Variants in EFR3B observed in about 807,000 individuals in gnomAD.
EFR3B encodes EFR3 homolog B.
In EFR3B, 64 loss-of-function variants were observed where a neutral mutation model predicts 104.7. That is an observed-to-expected ratio of 0.61 (90% CI 0.50 to 0.75). The LOEUF is 0.75. Ranked by LOEUF, EFR3B falls within the 30% of genes least tolerant of loss-of-function variation. EFR3B has a pLI of 0.00. For missense variants in EFR3B, 750 were observed against 1,078.5 expected (o/e 0.70, Z 4.27); for synonymous variants, 385 against 417.9 (o/e 0.92, Z 0.96).
At chr2:25,112,329 G>A (rs983781276) in intron 4 of EFR3B, among the ~76,000 whole-genome samples, 2 of 152,270 alleles carry the variant, frequency 1.3e-5, no homozygotes, top group African/African-American at 4.8e-5. Context: ...CCAGCAGATG[G>A]GGCTGCCCAG....
intron 3 of EFR3B, among the ~76,000 whole-genome samples, chr2:25,101,401 G>A (rs1669427481): frequency 6.6e-6 from 1 of 152,146 alleles, no homozygotes; most frequent in South Asian, 2.1e-4. Context: ...CCAGGCTGGA[G>A]TACAGTGGCT....
At chr2:25,126,238 CCATGATCTCA>C (rs1324052027) in intron 5 of EFR3B, among the ~76,000 whole-genome samples, 1 of 152,082 alleles carries the variant, frequency 6.6e-6, no homozygotes, top group Non-Finnish European at 1.5e-5. Flanking sequence ...GAGTGCAGTG[CCATGATCTCA>C]CATGATCTCA....
At chr2:25,128,040 G>T in intron 5 of EFR3B, 143 bp from the exon 6 acceptor site, 1 of 905,100 alleles carries the variant, frequency 1.1e-6, no homozygotes. Flanking sequence ...GAGGTCTCAT[G>T]AGAGTAGCAG....
chr2:25,142,529 C>T (rs1355302848), intron 17 of EFR3B, among the ~76,000 whole-genome samples: 3 of 150,238 alleles, frequency 2.0e-5, no homozygotes, highest in African/African-American at 7.4e-5. Context: ...GTGGTTGAGG[C>T]GGGCAGATCA....
At chr2:25,095,175 G>T (rs1669243481) in intron 3 of EFR3B, among the ~76,000 whole-genome samples, 1 of 152,170 alleles carries the variant, frequency 6.6e-6, no homozygotes. Flanking sequence ...AAAAGTAGAA[G>T]TAAAATGTCC....
chr2:25,090,402 CA>C (rs1330130467), intron 1 of EFR3B, among the ~76,000 whole-genome samples: 15 of 152,218 alleles, frequency 9.9e-5, no homozygotes, highest in African/African-American at 3.6e-4. Context: ...CTAGAGTTGC[CA>C]ACTTCTAATT....
intron 2 of EFR3B, among the ~76,000 whole-genome samples, chr2:25,092,070 G>A (rs1027094965): frequency 4.6e-5 from 7 of 151,890 alleles, no homozygotes; most frequent in Non-Finnish European, 8.8e-5. Flanking sequence ...CTTTAATTTG[G>A]GGTGGCTTTT....
rs1020123024 is a variant in EFR3B at position 25,050,771 on chromosome 2, G to A, written c.7+8452G>A. Among the ~76,000 whole-genome samples the A allele has an allele frequency of 1.3e-4, 20 of 152,292 alleles. 1 individual carries two copies. Among genetic ancestry groups the A allele is most frequent in the African/African-American group, 3.4e-4 (14 of 41,568 alleles). ...TACTGTAGGCCACAATTAAGAGGGG[G>A]AAAGTCATTTACAAGATTCATTAGC... On this transcript the variant is annotated intron_variant, in intron 1 of 22. Coordinates refer to ENST00000403714, the MANE Select transcript of EFR3B (RefSeq NM_014971.2).
At chr2:25,099,760 G>A (rs1669378790) in intron 3 of EFR3B, among the ~76,000 whole-genome samples, 1 of 151,842 alleles carries the variant, frequency 6.6e-6, no homozygotes, top group South Asian at 2.1e-4. Flanking sequence ...TCTGAAACTG[G>A]GTAGCTGTCC....
chr2:25,080,950 G>A, intron 1 of EFR3B: 1 of 762,958 alleles, frequency 1.3e-6, no homozygotes, highest in Non-Finnish European at 2.4e-6. Flanking sequence ...TCAAGCCGGA[G>A]AGCTTGTTCC....
Position 25,083,223 on chromosome 2 carries a change from A to G in EFR3B, c.8-8102A>G, listed in dbSNP as rs1668859019. 3.3e-5 allele frequency among the ~76,000 whole-genome samples: 5 copies of G among 152,200 alleles called. No homozygotes were observed. The South Asian group carries it at 1.0e-3, about 32-fold the overall frequency. On this transcript the variant is annotated intron_variant, in intron 1 of 22. Transcript: ENST00000403714. Reference sequence around the variant, plus strand: ...GAGGATCCTTCATAAATTTACCTTCAGCTACTGTGGTTGGATCTGCCAGAC... The same window carrying G: ...GAGGATCCTTCATAAATTTACCTTCGGCTACTGTGGTTGGATCTGCCAGAC...
chr2:25,062,106 A>G (rs1040747238), intron 1 of EFR3B, among the ~76,000 whole-genome samples: 8 of 152,224 alleles, frequency 5.3e-5, no homozygotes, highest in East Asian at 1.9e-4. Flanking sequence ...TTTTTTCCCT[A>G]TAACTTAATG....
intron 4 of EFR3B, among the ~76,000 whole-genome samples, chr2:25,106,859 C>G (rs1364133169): frequency 6.6e-6 from 1 of 152,286 alleles, no homozygotes; most frequent in African/African-American, 2.4e-5. Flanking sequence ...GCTGAGATTA[C>G]AGGTGTGAGC....
chr2:25,129,163 A>G (rs1670254752), intron 6 of EFR3B, among the ~76,000 whole-genome samples: 1 of 151,518 alleles, frequency 6.6e-6, no homozygotes, highest in African/African-American at 2.4e-5. Flanking sequence ...TGGATCCCCT[A>G]AGCATGGGAT....
intron 17 of EFR3B, 95 bp downstream of exon 17, chr2:25,141,528 C>A: frequency 7.5e-7 from 1 of 1,341,278 alleles, no homozygotes; most frequent in South Asian, 1.4e-5. Flanking sequence ...TGCCAGGAGG[C>A]TCAGACTTCT....
intron 1 of EFR3B, among the ~76,000 whole-genome samples, chr2:25,068,370 A>G (rs529253800): frequency 6.1e-4 from 93 of 152,332 alleles, no homozygotes; most frequent in South Asian, 1.0e-3. Flanking sequence ...ATTAATAACA[A>G]TTTGAAGCTG....
rs1159947404 is a variant in EFR3B at position 25,136,893 on chromosome 2, G to T, written c.1560+295G>T. On this transcript the variant is annotated intron_variant, in intron 14 of 22. Transcript: ENST00000403714. This position sits in a 1 kb window ranked among gnomAD's most constrained non-coding sequence, Gnocchi z 4.0. ...ATTGTGCCAATGTACTTCAGCCTGGGTGACAGAGCAAAAGTCACTGCTGAC... is the reference window on the plus strand; with the variant it reads ...ATTGTGCCAATGTACTTCAGCCTGGTTGACAGAGCAAAAGTCACTGCTGAC... Among the ~76,000 whole-genome samples, 1 of 152,204 alleles carries T rather than the reference G, an allele frequency of 6.6e-6. No individual in the cohort carries two copies.
chr2:25,136,645 C>T lies in EFR3B; in HGVS notation c.1560+47C>T. ...GCACAGTGAAGGGCGGGCACGGTGG[C>T]TCACGCCTGCAATCCCAGCACTTTG... On this transcript the variant is annotated intron_variant, in intron 14 of 22. Transcript: ENST00000403714. This position sits in a 1 kb window ranked among gnomAD's most constrained non-coding sequence, Gnocchi z 4.0. The T allele has an allele frequency of 6.7e-7, 1 of 1,498,656 alleles. No individual in the cohort carries two copies. Among genetic ancestry groups the T allele is most frequent in the Non-Finnish European group, 9.1e-7 (1 of 1,100,794 alleles). The allele number at this position is 1,498,656 out of a possible 1,614,324, so 92.8% of individuals were successfully genotyped here. A position where few individuals can be genotyped will look rare whatever the true frequency, so the allele number is the denominator to read the frequency against.
At chr2:25,123,483 C>T (rs1038861427) in intron 5 of EFR3B, among the ~76,000 whole-genome samples, 2 of 152,214 alleles carry the variant, frequency 1.3e-5, no homozygotes, top group Non-Finnish European at 2.9e-5. Context: ...CCCCAGTCCC[C>T]GAGACTCTCA....
Sources: gnomAD v4.1 joint callset for allele counts (sites outside exome capture counted in the v4.1 genomes callset) on GRCh38, gnomAD v4.1.1 for gene constraint, Gnocchi (gnomAD v3.1) non-coding constraint, MANE v1.5 for transcripts, NCBI Gene and HGNC (gene_info 2026-07-23, HGNC 2026-07-21) for gene names.